The following TMEM108 variants were observed in gnomAD, a reference collection of about 807,000 sequenced individuals.
TMEM108 encodes transmembrane protein 108.
A neutral mutation model predicts 35.1 loss-of-function variants in TMEM108; 12 were observed. The ratio of observed to expected loss-of-function variants is 0.34; its 90% CI spans 0.22 to 0.55. The LOEUF (loss-of-function observed/expected upper bound fraction) is 0.55, where lower values mean the gene tolerates loss of function less well. TMEM108 is among the 20% of genes least tolerant of loss of function. The pLI is 0.89. For synonymous variants in TMEM108, 287 were observed against 308.6 expected (o/e 0.93, Z 0.73); for missense variants, 680 against 753.3 (o/e 0.90, Z 1.14).
intron 3 of TMEM108, among the ~76,000 whole-genome samples, chr3:133,282,185 CA>C (rs1186305201): frequency 2.0e-5 from 3 of 152,144 alleles, no homozygotes; most frequent in African/African-American, 7.2e-5. Flanking sequence ...TAAAATAAGA[CA>C]AAGACAAAAG....
intron 3 of TMEM108, among the ~76,000 whole-genome samples, chr3:133,372,033 ATGAGT>A (rs1181174226): frequency 6.6e-6 from 1 of 152,246 alleles, no homozygotes; most frequent in Non-Finnish European, 1.5e-5. Flanking sequence ...GAATTCTCAG[ATGAGT>A]TCTAGGTGAG....
chr3:133,380,124 C>T lies in TMEM108; in HGVS notation c.413C>T (p.Ala138Val), dbSNP rs779436937. 6.2e-7 allele frequency: 1 copy of T among 1,613,860 alleles called. No individual in the cohort carries two copies. Among genetic ancestry groups the T allele is most frequent in the South Asian group, 1.1e-5 (1 of 91,070 alleles). The change falls in exon 4 of 6, where the codon GCC becomes GTC. Residue 138 changes from alanine to valine, a missense_variant. Ala to Val is a moderately conservative substitution (Grantham distance 64). Transcript: ENST00000321871. This position sits in a 1 kb window ranked among gnomAD's most constrained non-coding sequence, Gnocchi z 5.3. ...KPEGRPRGQAAPTILLTKPPG... is the reference protein window; with the variant it reads ...KPEGRPRGQAVPTILLTKPPG... The stretch of plus-strand genomic sequence containing the variant: ...GAGGGCCGCCCTCGAGGGCAGGCTG[C>T]CCCCACCATCCTGCTGACAAAGCCA...
At chr3:133,076,356 A>G (rs919351061) in intron 2 of TMEM108, among the ~76,000 whole-genome samples, 3 of 151,618 alleles carry the variant, frequency 2.0e-5, no homozygotes, top group Admixed American at 6.6e-5. Flanking sequence ...TTATGCATGT[A>G]AAGAGACCGT....
chr3:133,324,493 G>A (rs1215715482), intron 3 of TMEM108, among the ~76,000 whole-genome samples: 2 of 152,198 alleles, frequency 1.3e-5, no homozygotes, highest in African/African-American at 4.8e-5. Flanking sequence ...CTGCAGGAAT[G>A]GCTATAATTT....
At chr3:133,100,932 G>A (rs367701099) in intron 2 of TMEM108, among the ~76,000 whole-genome samples, 2 of 152,130 alleles carry the variant, frequency 1.3e-5, no homozygotes, top group East Asian at 3.8e-4. Context: ...TTTATTTCTA[G>A]TTGTGTGTAT....
intron 3 of TMEM108, among the ~76,000 whole-genome samples, chr3:133,357,152 T>C (rs1182548919): frequency 1.3e-5 from 2 of 152,058 alleles, no homozygotes; most frequent in African/African-American, 4.8e-5. Context: ...AAAGAAGATA[T>C]ACAAATGGCC....
intron 3 of TMEM108, among the ~76,000 whole-genome samples, chr3:133,334,516 G>A (rs2071453956): frequency 6.6e-6 from 1 of 152,130 alleles, no homozygotes; most frequent in Non-Finnish European, 1.5e-5. Context: ...CAGCCAGGAG[G>A]ACAATGACTG....
intron 2 of TMEM108, among the ~76,000 whole-genome samples, chr3:133,216,500 G>A (rs1420327754): frequency 6.6e-6 from 1 of 152,018 alleles, no homozygotes; most frequent in Non-Finnish European, 1.5e-5. Flanking sequence ...AATACAATAT[G>A]TTATTATTAA....
chr3:133,211,826 A>G (rs1190811998), intron 2 of TMEM108, among the ~76,000 whole-genome samples: 2 of 152,070 alleles, frequency 1.3e-5, no homozygotes, highest in Non-Finnish European at 2.9e-5. Flanking sequence ...ACATTAATTG[A>G]TTCCCTTTTG....
At chr3:133,208,695 G>C (rs1281118988) in intron 2 of TMEM108, among the ~76,000 whole-genome samples, 1 of 152,158 alleles carries the variant, frequency 6.6e-6, no homozygotes, top group Non-Finnish European at 1.5e-5. Context: ...TGGAGAGCCA[G>C]TCACATTACA....
intron 3 of TMEM108, among the ~76,000 whole-genome samples, chr3:133,239,539 G>A (rs1946284585): frequency 6.6e-6 from 1 of 152,126 alleles, no homozygotes; most frequent in Admixed American, 6.5e-5. Context: ...ACCAGGGCTG[G>A]GGTCACTAGC....
chr3:133,119,559 C>T (rs1576328389), intron 2 of TMEM108: 4 of 152,266 alleles, frequency 2.6e-5, no homozygotes, highest in Admixed American at 1.3e-4. Context: ...ACCCACAGAG[C>T]AAATGAATAG....
At chr3:133,089,891 A>T (rs760674233) in intron 2 of TMEM108, among the ~76,000 whole-genome samples, 5 of 152,218 alleles carry the variant, frequency 3.3e-5, no homozygotes, top group African/African-American at 7.2e-5. Flanking sequence ...ATTAAATGTC[A>T]ATTTAGCATG....
chr3:133,335,092 G>A (rs1316639934), intron 3 of TMEM108, among the ~76,000 whole-genome samples: 2 of 151,928 alleles, frequency 1.3e-5, no homozygotes, highest in Non-Finnish European at 2.9e-5. Flanking sequence ...GAAGAAATAA[G>A]GAAGCATCAA....
intron 3 of TMEM108, among the ~76,000 whole-genome samples, chr3:133,263,271 T>A (rs1946650993): frequency 6.6e-6 from 1 of 152,238 alleles, no homozygotes; most frequent in African/African-American, 2.4e-5. Context: ...ATTTTCTGCA[T>A]AAGCAAGTAG....
chr3:133,234,545 C>T (rs1240406646), intron 3 of TMEM108, among the ~76,000 whole-genome samples: 1 of 152,136 alleles, frequency 6.6e-6, no homozygotes, highest in Non-Finnish European at 1.5e-5. Context: ...TAACAAAATT[C>T]AACAACGCTT....
chr3:133,192,913 T>TGTGTGTGTGTGCGC (rs1298583795), intron 2 of TMEM108: 1 of 148,474 alleles, frequency 6.7e-6, no homozygotes, highest in African/African-American at 2.6e-5. Flanking sequence ...TTACACTGTG[T>TGTGTGTGTGTGCGC]GTGTGTGTGT....
chr3:133,232,151 A>G (rs1273147539), intron 3 of TMEM108, among the ~76,000 whole-genome samples: 1 of 152,122 alleles, frequency 6.6e-6, no homozygotes, highest in Non-Finnish European at 1.5e-5. Flanking sequence ...TGGGGTTTGG[A>G]TATCTGATCC....
At chr3:133,388,488 G>T (rs1279630905) in intron 4 of TMEM108, 15 of 985,242 alleles carry the variant, frequency 1.5e-5, no homozygotes, top group African/African-American at 1.7e-5. Flanking sequence ...TTGGAAGGAA[G>T]GGAGGGAAAG....
Sources: allele counts gnomAD v4.1 joint callset (sites outside exome capture counted in the v4.1 genomes callset), GRCh38; gene constraint gnomAD v4.1.1; non-coding constraint Gnocchi (gnomAD v3.1); transcripts MANE v1.5; gene names NCBI Gene and HGNC (gene_info 2026-07-23, HGNC 2026-07-21).